Variants in SCPEP1 observed in about 807,000 individuals in gnomAD.
The protein encoded by SCPEP1 is retinoid-inducible serine carboxypeptidase.
SCPEP1 carries 51 observed loss-of-function variants against 63.8 expected under a neutral mutation model. The observed-to-expected ratio is 0.80, with a 90% CI of 0.64 to 1.01. SCPEP1 has a LOEUF of 1.01. Among genes scored for constraint, SCPEP1 ranks in the 50% least tolerant of loss-of-function variants. The pLI, the probability that SCPEP1 is intolerant of heterozygous loss-of-function variation, is 0.00. For missense variants in SCPEP1, 499 were observed against 554.9 expected (o/e 0.90, Z 1.01); for synonymous variants, 204 against 207.8 (o/e 0.98, Z 0.16).
intron 3 of SCPEP1, among the ~76,000 whole-genome samples, chr17:56,986,602 G>A (rs1911228380): frequency 6.6e-6 from 1 of 151,288 alleles, no homozygotes; most frequent in Non-Finnish European, 1.5e-5. Context: ...CCAGAGTGCA[G>A]TGGCGCTATC....
At chr17:56,981,943 C>G (rs1248448848) in intron 2 of SCPEP1, among the ~76,000 whole-genome samples, 1 of 152,196 alleles carries the variant, frequency 6.6e-6, no homozygotes, top group Non-Finnish European at 1.5e-5. Context: ...CCCAGAAAAC[C>G]TGATCTTTTG....
At chr17:57,001,049 G>C (rs1911727057) in intron 11 of SCPEP1, 57 bp downstream of exon 11, 2 of 1,589,328 alleles carry the variant, frequency 1.3e-6, no homozygotes, top group East Asian at 2.2e-5. Flanking sequence ...AACTGGAAGG[G>C]AACTGGCCTT....
intron 4 of SCPEP1, 124 bp from the exon 5 acceptor site, chr17:56,988,092 G>A (rs1326282206): frequency 1.2e-6 from 1 of 815,028 alleles, no homozygotes; most frequent in Non-Finnish European, 2.0e-6. Context: ...TGGAGTGGTG[G>A]GGGAGGAAGA....
At position 57,000,953 on chromosome 17, in the gene SCPEP1, G is replaced by A. The variant is rs1163595696; in HGVS notation, c.1093G>A (p.Val365Met). The A allele has an allele frequency of 1.2e-6, 2 of 1,614,202 alleles. No homozygotes were observed. The highest frequency in any genetic ancestry group is 1.7e-6 in the Non-Finnish European group (2 of 1,180,042). The change falls in exon 11 of 13, where the codon GTG (valine) becomes ATG (methionine). Residue 365 changes from valine to methionine, a missense_variant. Coordinates refer to ENST00000262288, the MANE Select transcript of SCPEP1 (RefSeq NM_021626.3). ...GCTGGAGGCAGGGATCAACGTGACG[G>A]TGTATAATGGACAGCTGGATCTCAT... ...ELLEAGINVT[V>M]YNGQLDLIVD...
chr17:57,001,013 G>T (rs764405373), intron 11 of SCPEP1, 21 bp downstream of exon 11: 5 of 1,613,812 alleles, frequency 3.1e-6, no homozygotes, highest in Non-Finnish European at 4.2e-6. Flanking sequence ...ACTCTGAGAG[G>T]CACCTAGAGG....
Position 57,000,442 on chromosome 17 carries a change from G to A in SCPEP1, c.995-413G>A, listed in dbSNP as rs1263802150. On this transcript the variant is annotated intron_variant, in intron 10 of 12. Transcript: ENST00000262288. ...TTTGATCTGGTTTATTATAAGGTAG[G>A]CCTACCTGTTCAGAACTTGAAACTT... Among the ~76,000 whole-genome samples, 3 of 152,252 alleles carry A rather than the reference G, an allele frequency of 2.0e-5. No individual in the cohort carries two copies. In the Middle Eastern group the frequency reaches 0.01, roughly 518 times the overall value.
At chr17:56,990,139 T>TAA (rs1427850456) in intron 5 of SCPEP1, among the ~76,000 whole-genome samples, 2 of 152,210 alleles carry the variant, frequency 1.3e-5, no homozygotes, top group East Asian at 3.8e-4. Context: ...CGATATGAGA[T>TAA]AACTTTGTTT....
chr17:56,995,086 G>A, intron 7 of SCPEP1, 68 bp downstream of exon 7: 1 of 1,379,494 alleles, frequency 7.2e-7, no homozygotes, highest in Non-Finnish European at 1.0e-6. Flanking sequence ...TGTGACCCCA[G>A]GAAAAGAGAT....
intron 6 of SCPEP1, chr17:56,994,757 T>G (rs941762728): frequency 4.4e-6 from 2 of 455,514 alleles, no homozygotes; most frequent in African/African-American, 4.0e-5. Flanking sequence ...GCCATTAGTC[T>G]TAAGAGTCAA....
chr17:57,001,992 G>A, intron 11 of SCPEP1, 26 bp from the exon 12 acceptor site: 1 of 1,600,094 alleles, frequency 6.2e-7, no homozygotes, highest in Non-Finnish European at 8.5e-7. Flanking sequence ...TTAATGCCAG[G>A]CCTTTCTCTT....
At chr17:57,004,190 C>T (rs567235070) in intron 12 of SCPEP1, among the ~76,000 whole-genome samples, 2 of 152,326 alleles carry the variant, frequency 1.3e-5, no homozygotes, top group African/African-American at 2.4e-5. Context: ...AGCGCCACTG[C>T]ACTCCAGCCT....
intron 1 of SCPEP1, among the ~76,000 whole-genome samples, chr17:56,978,582 T>C (rs1567862027): frequency 1.3e-5 from 2 of 152,188 alleles, no homozygotes; most frequent in Non-Finnish European, 2.9e-5. Context: ...AAGGTCGTTT[T>C]ATTTTAAGCT....
intron 1 of SCPEP1, among the ~76,000 whole-genome samples, chr17:56,979,010 T>C (rs563941718): frequency 6.6e-6 from 1 of 152,206 alleles, no homozygotes; most frequent in African/African-American, 2.4e-5. Context: ...GCCTTATCTG[T>C]CATTCTCAAG....
In SCPEP1 at chr17:56,988,246, T is replaced by A; in HGVS notation, c.502T>A (p.Tyr168Asn). The A allele has an allele frequency of 6.2e-7, 1 of 1,612,776 alleles. No individual in the cohort carries two copies. Among genetic ancestry groups the A allele is most frequent in the African/African-American group, 1.3e-5 (1 of 75,006 alleles). Residue 168 changes from tyrosine (Y) to asparagine (N), a missense_variant, in exon 5 of 13, where the codon TAT becomes AAT. Transcript: ENST00000262288. Reference protein sequence around the residue: ...TVPFYIFSESYGGKMAAGIGL... With the variant: ...TVPFYIFSESNGGKMAAGIGL... ...TCCATTCTACATTTTCTCAGAGTCC[T>A]ATGGAGGAAAAATGGCAGCTGGCAT...
intron 1 of SCPEP1, 123 bp downstream of exon 1, chr17:56,978,358 T>A: frequency 8.2e-7 from 1 of 1,215,402 alleles, no homozygotes; most frequent in South Asian, 1.9e-5. Flanking sequence ...CTTGTGTAAT[T>A]ATATTGCTTT....
intron 9 of SCPEP1, 144 bp from the exon 10 acceptor site, chr17:56,998,241 G>T: frequency 1.8e-6 from 1 of 551,256 alleles, no homozygotes; most frequent in Non-Finnish European, 3.3e-6. Context: ...AACCCAGGAG[G>T]CGGAGGTTTC....
chr17:56,978,151 G>T lies in SCPEP1; in HGVS notation c.-9G>T. ...AGCCTGTTGCTGATGCTGCCGTGCG[G>T]TACTTGTCATGGAGCTGGCACTGCG... On this transcript the variant is annotated 5_prime_UTR_variant, in exon 1 of 13. Transcript: ENST00000262288. The T allele has an allele frequency of 7.4e-7, 1 of 1,349,268 alleles. No individual in the cohort carries two copies. 83.6% of individuals were successfully genotyped at this position (1,349,268 alleles called of 1,614,324 possible). A position where few individuals can be genotyped will look rare whatever the true frequency, so the allele number is the denominator to read the frequency against.
intron 8 of SCPEP1, among the ~76,000 whole-genome samples, chr17:56,996,452 A>T (rs1323571768): frequency 6.6e-6 from 1 of 151,852 alleles, no homozygotes; most frequent in Non-Finnish European, 1.5e-5. Flanking sequence ...TGATCCACCC[A>T]CCTCAGCCTC....
At position 57,006,698 on chromosome 17, in the gene SCPEP1, ATTTG is replaced by A. The variant is rs1334567508; in HGVS notation, c.*468_*471del. Reference sequence around the variant, plus strand: ...AATCATTACTCTATGTTGTTTTACTATTTGTTTGACATATCAGTATATCTGAAAC... The same window carrying A: ...AATCATTACTCTATGTTGTTTTACTATTTGACATATCAGTATATCTGAAAC... On this transcript the variant is annotated 3_prime_UTR_variant, in exon 13 of 13. Transcript: ENST00000262288. The A allele has an allele frequency of 6.6e-6, 1 of 152,088 alleles. No individual in the cohort carries two copies. Among genetic ancestry groups the A allele is most frequent in the Non-Finnish European group, 1.5e-5 (1 of 68,034 alleles). The allele number at this position is 152,088 out of a possible 1,614,324, so 9.4% of individuals were successfully genotyped here. A position where few individuals can be genotyped will look rare whatever the true frequency, so the allele number is the denominator to read the frequency against.
Sources: gnomAD v4.1 joint callset for allele counts (sites outside exome capture counted in the v4.1 genomes callset) on GRCh38, gnomAD v4.1.1 for gene constraint, MANE v1.5 for transcripts, NCBI Gene and HGNC (gene_info 2026-07-23, HGNC 2026-07-21) for gene names.